Variants in KY observed in about 807,000 individuals in gnomAD.
The protein encoded by KY is kyphoscoliosis peptidase.
A neutral mutation model predicts 76.1 loss-of-function variants in KY; 43 were observed. The observed-to-expected ratio is 0.57, with a 90% confidence interval of 0.44 to 0.73. The LOEUF is 0.73. Ranked by LOEUF, KY falls within the 30% of genes least tolerant of loss-of-function variation. The pLI is 0.00. For synonymous variants in KY, 277 were observed against 326.2 expected (o/e 0.85, Z 1.63); for missense variants, 722 against 828.9 (o/e 0.87, Z 1.58).
intron 3 of KY, among the ~76,000 whole-genome samples, chr3:134,639,601 G>C (rs1421637853): frequency 6.6e-6 from 1 of 152,170 alleles, no homozygotes; most frequent in East Asian, 1.9e-4. Flanking sequence ...ATGGGGATAA[G>C]GGCTGATGAC....
chr3:134,603,625 T>C lies in KY; in HGVS notation c.1940A>G (p.His647Arg). Residue 647 changes from histidine (H) to arginine (R), a missense_variant, in exon 11 of 11, where the codon CAC (histidine) becomes CGC (arginine). Around this residue, in one of 2 missense-constraint regions of KY, gnomAD observed 552 missense variants for 680.9 expected, o/e 0.81. Transcript: ENST00000423778. Reference sequence around the variant, plus strand: ...TTTCAGGATGTAGGAGTAGAAATTGTGGTTGGCATTCTCCAGCACCATGAC... The same window carrying C: ...TTTCAGGATGTAGGAGTAGAAATTGCGGTTGGCATTCTCCAGCACCATGAC... Reference protein sequence around the residue: ...VYVMVLENANHNFYSYILKYK... With the variant: ...VYVMVLENANRNFYSYILKYK... 4.4e-6 allele frequency: 7 copies of C among 1,604,218 alleles called. No homozygotes were observed. Among genetic ancestry groups the C allele is most frequent in the Non-Finnish European group, 3.4e-6 (4 of 1,174,048 alleles).
chr3:134,607,938 G>C, intron 10 of KY: 1 of 993,362 alleles, frequency 1.0e-6, no homozygotes, highest in African/African-American at 1.7e-5. Flanking sequence ...GGGGCTTACT[G>C]TGTCCCCGCC....
At chr3:134,644,289 C>G (rs997427844) in intron 2 of KY, among the ~76,000 whole-genome samples, 1 of 152,222 alleles carries the variant, frequency 6.6e-6, no homozygotes, top group Admixed American at 6.5e-5. Context: ...CCCTGGGACA[C>G]AGAGTTGTCC....
chr3:134,619,119 G>T, intron 8 of KY, 29 bp downstream of exon 8: 1 of 1,564,054 alleles, frequency 6.4e-7, no homozygotes. Context: ...GGGTCCGGTG[G>T]TCAGCATGGG....
Position 134,619,236 on chromosome 3 carries a change from C to T in KY, c.622G>A (p.Asp208Asn), listed in dbSNP as rs781601896. Residue 208 changes from aspartate to asparagine, a missense_variant, in exon 8 of 11, where the codon GAC (aspartate) becomes AAC (asparagine). Asp to Asn is a conservative substitution (Grantham distance 23). Coordinates refer to ENST00000423778, the MANE Select transcript of KY (RefSeq NM_178554.6). Reference protein sequence around the residue: ...EYDIAAAQEKDRQAFKPTDIL... With the variant: ...EYDIAAAQEKNRQAFKPTDIL... Reference sequence around the variant, plus strand: ...TCAGTGGGTTTGAAGGCTTGGCGGTCCTTCTCCTGAGCAGCTGCAATGTCA... The same window carrying T: ...TCAGTGGGTTTGAAGGCTTGGCGGTTCTTCTCCTGAGCAGCTGCAATGTCA... 1 of 1,613,910 alleles carries T rather than the reference C, an allele frequency of 6.2e-7. No homozygotes were observed. Among genetic ancestry groups the T allele is most frequent in the South Asian group, 1.1e-5 (1 of 91,062 alleles).
chr3:134,645,665 A>AT (rs1364233485), intron 2 of KY, among the ~76,000 whole-genome samples: 2 of 152,134 alleles, frequency 1.3e-5, no homozygotes, highest in Non-Finnish European at 2.9e-5. Flanking sequence ...TAGAAGCGTC[A>AT]TTTTTTCTGG....
intron 7 of KY, among the ~76,000 whole-genome samples, 198 bp from the exon 8 acceptor site, chr3:134,619,463 G>T (rs1165057331): frequency 1.3e-5 from 2 of 152,232 alleles, no homozygotes; most frequent in African/African-American, 4.8e-5. Context: ...GCAGGCCTTG[G>T]CAGAGGGGGC....
chr3:134,630,717 G>A (rs1964098287), intron 3 of KY, among the ~76,000 whole-genome samples: 1 of 152,176 alleles, frequency 6.6e-6, no homozygotes, highest in East Asian at 1.9e-4. Flanking sequence ...GATCTGTATA[G>A]CATTGCAAAG....
Position 134,610,183 on chromosome 3 carries a change from A to C in KY, c.899+12T>G, listed in dbSNP as rs1431127564. 6.2e-7 allele frequency: 1 copy of C among 1,609,332 alleles called. No homozygotes were observed. Among genetic ancestry groups the C allele is most frequent in the South Asian group, 1.1e-5 (1 of 90,682 alleles). ...CTGCCAGACGCCCAGCAGAACTGAG[A>C]CAAGTACTTACAGGAAGGTGAATTT... On this transcript the variant is annotated intron_variant, in intron 9 of 10. Transcript: ENST00000423778.
At position 134,627,822 on chromosome 3, in the gene KY, C is replaced by A; in HGVS notation, c.338-4G>T. On this transcript the variant is annotated splice_region_variant and splice_polypyrimidine_tract_variant and intron_variant, in intron 4 of 10. Transcript: ENST00000423778. ...CCATTTTTATCACCTTGTAAACCTA[C>A]AATATTCCAAAGATCAGAAGTATAG... The A allele has an allele frequency of 6.2e-7, 1 of 1,610,842 alleles. No individual in the cohort carries two copies. The highest frequency in any genetic ancestry group is 8.5e-7 in the Non-Finnish European group (1 of 1,177,044).
chr3:134,631,922 A>G (rs1181945350), intron 3 of KY, among the ~76,000 whole-genome samples: 2 of 152,136 alleles, frequency 1.3e-5, no homozygotes, highest in Non-Finnish European at 2.9e-5. Context: ...AGATTAAACT[A>G]TATTCACTTT....
At chr3:134,628,563 AT>A (rs1963775985) in intron 4 of KY, among the ~76,000 whole-genome samples, 1 of 152,160 alleles carries the variant, frequency 6.6e-6, no homozygotes, top group African/African-American at 2.4e-5. Context: ...ACAGTGCTCC[AT>A]TTATTTCTCA....
chr3:134,619,387 A>G, intron 7 of KY, 122 bp from the exon 8 acceptor site: 1 of 724,670 alleles, frequency 1.4e-6, no homozygotes, highest in Non-Finnish European at 2.5e-6. Context: ...GCTGAATGGA[A>G]CTACAGCCCC....
At chr3:134,607,623 T>C (rs1004748974) in intron 10 of KY, 1 of 985,738 alleles carries the variant, frequency 1.0e-6, no homozygotes. Context: ...TGGAGAGGCA[T>C]AAGAGACAAT....
chr3:134,620,619 C>T (rs1220893056), intron 7 of KY, 130 bp downstream of exon 7: 2 of 661,828 alleles, frequency 3.0e-6, no homozygotes, highest in Non-Finnish European at 5.5e-6. Flanking sequence ...GTTCATCAGT[C>T]CAGTCTTCTG....
Position 134,603,303 on chromosome 3 carries a change from A to G in KY, c.*276T>C. The stretch of plus-strand genomic sequence containing the variant: ...CACTAATACGAGAAGGGGCATCTGG[A>G]TGCAGGTGTACAGTTTACAATACCT... On this transcript the variant is annotated 3_prime_UTR_variant, in exon 11 of 11. Coordinates refer to ENST00000423778, the MANE Select transcript of KY (RefSeq NM_178554.6). 3.1e-6 allele frequency: 1 copy of G among 321,436 alleles called. No homozygotes were observed. Among genetic ancestry groups the G allele is most frequent in the Non-Finnish European group, 5.7e-6 (1 of 176,244 alleles). The allele number at this position is 321,436 out of a possible 1,614,324, so 19.9% of individuals were successfully genotyped here. A position where few individuals can be genotyped will look rare whatever the true frequency, so the allele number is the denominator to read the frequency against.
At chr3:134,634,070 C>T (rs149333328) in intron 3 of KY, among the ~76,000 whole-genome samples, 121 of 152,192 alleles carry the variant, frequency 8.0e-4, no homozygotes, top group African/African-American at 2.6e-3. Flanking sequence ...GTGCAATAAT[C>T]GCATACTGAA....
chr3:134,609,078 C>A (rs1959809754), intron 9 of KY, among the ~76,000 whole-genome samples: 1 of 152,202 alleles, frequency 6.6e-6, no homozygotes, highest in Non-Finnish European at 1.5e-5. Context: ...ACTCAGTGCC[C>A]TAGGCTGTCG....
At chr3:134,643,915 C>T (rs1404946359) in intron 2 of KY, among the ~76,000 whole-genome samples, 1 of 151,980 alleles carries the variant, frequency 6.6e-6, no homozygotes, top group Admixed American at 6.6e-5. Context: ...CAAGCTCCGC[C>T]TCCTGGGTTC....
Sources: allele counts gnomAD v4.1 joint callset (sites outside exome capture counted in the v4.1 genomes callset), GRCh38; gene constraint gnomAD v4.1.1; regional missense constraint gnomAD v4.1.1; transcripts MANE v1.5; gene names NCBI Gene and HGNC (gene_info 2026-07-23, HGNC 2026-07-21).